BRF2: variants seen among roughly 807,000 people sequenced by gnomAD.
The protein encoded by BRF2 is transcription factor IIIB 50 kDa subunit.
A neutral mutation model predicts 26.6 loss-of-function variants in BRF2; 17 were observed. The ratio of observed to expected loss-of-function variants is 0.64; its 90% CI spans 0.44 to 0.96. The LOEUF is 0.96. Ranked by LOEUF, BRF2 falls within the 40% of genes least tolerant of loss-of-function variation. BRF2 has a pLI of 0.00. For synonymous variants in BRF2, 219 were observed against 226.6 expected, an observed-to-expected ratio of 0.97 and a Z score of 0.30; for missense variants, 515 against 537.0, an observed-to-expected ratio of 0.96 and a Z score of 0.40.
rs545528393 is a variant in BRF2 at position 37,849,860 on chromosome 8, G to A, written c.-77C>T. 1.1e-4 allele frequency: 151 copies of A among 1,412,184 alleles called. No individual in the cohort carries two copies. Among genetic ancestry groups the A allele is most frequent in the Middle Eastern group, 2.5e-4 (1 of 4,052 alleles). The allele number at this position is 1,412,184 out of a possible 1,614,324, so 87.5% of individuals were successfully genotyped here. A position where few individuals can be genotyped will look rare whatever the true frequency, so the allele number is the denominator to read the frequency against. ...AACAGCAACCGTGAGGCAGCAAGAA[G>A]TAGGAGGGGACACTTCAAAGGGTTG... On this transcript the variant is annotated 5_prime_UTR_variant, in exon 1 of 4. Coordinates refer to ENST00000220659, the MANE Select transcript of BRF2 (RefSeq NM_018310.4).
Position 37,849,767 on chromosome 8 carries a change from C to G in BRF2, c.17G>C (p.Arg6Pro). Residue 6 changes from arginine (R) to proline (P), a missense_variant, in exon 1 of 4, where the codon CGC becomes CCC. Coordinates refer to ENST00000220659, the MANE Select transcript of BRF2 (RefSeq NM_018310.4). ...CTCCGTGGAGCCGCAGTCCGGGCAG[C>G]GGCCTCTGCCTGGCATCTCACAACC... MPGRG[R>P]CPDCGSTELV... 1 of 1,610,304 alleles carries G rather than the reference C, an allele frequency of 6.2e-7. No individual in the cohort carries two copies. The highest frequency in any genetic ancestry group is 8.5e-7 in the Non-Finnish European group (1 of 1,179,156).
chr8:37,845,728 T>C (rs749512141), intron 3 of BRF2: 6 of 698,910 alleles, frequency 8.6e-6, no homozygotes, highest in African/African-American at 5.3e-5. Flanking sequence ...CTTGAGCCCA[T>C]GAGTTCCAGG....
chr8:37,844,394 CA>C lies in BRF2; in HGVS notation c.*95del. The C allele has an allele frequency of 6.7e-7, 1 of 1,498,902 alleles. No individual in the cohort carries two copies. The highest frequency in any genetic ancestry group is 2.3e-5 in the East Asian group (1 of 44,036). The allele number at this position is 1,498,902 out of a possible 1,614,324, so 92.9% of individuals were successfully genotyped here. On this transcript the variant is annotated 3_prime_UTR_variant, in exon 4 of 4. Transcript: ENST00000220659. ...TCTTGGTTCCTTCAAACAAGAAAAG[CA>C]ATACCTACGGACTGGTGTACACTTC...
In BRF2 at chr8:37,845,167, C is replaced by T. The variant is rs780361630; in HGVS notation, c.583G>A (p.Glu195Lys). 3 of 1,612,814 alleles carry T rather than the reference C, an allele frequency of 1.9e-6. No homozygotes were observed. In the African/African-American group the frequency reaches 4.0e-5, roughly 22 times the overall value. Residue 195 changes from glutamate (E) to lysine (K), a missense_variant, in exon 4 of 4, where the codon GAA (glutamate) becomes AAA (lysine). By Grantham distance (56) the Glu-to-Lys change is moderately conservative. Transcript: ENST00000220659. ...ASPSVPAKYV[E>K]DKEKMLSRTM... ...CGAGACAGCATCTTCTCTTTGTCTT[C>T]CACGTATTTGGCTGGCACAGAAGGT...
In BRF2 at chr8:37,845,865, C is replaced by T. The variant is rs1805946937; in HGVS notation, c.537-652G>A. The T allele has an allele frequency of 5.1e-6, 3 of 588,328 alleles. No individual in the cohort carries two copies. The East Asian group carries it at 8.5e-5, about 17-fold the overall frequency. 36.4% of individuals were successfully genotyped at this position (588,328 alleles called of 1,614,324 possible). ...CATTAACTAATATACTTTCAGCTTC[C>T]TCTGCAGATGATCCTGCTGAGACAG... On this transcript the variant is annotated intron_variant, in intron 3 of 3. Coordinates refer to ENST00000220659, the MANE Select transcript of BRF2 (RefSeq NM_018310.4).
At position 37,847,191 on chromosome 8, in the gene BRF2, G is replaced by A. The variant is rs569592908; in HGVS notation, c.215-16C>T. The A allele has an allele frequency of 1.7e-5, 27 of 1,611,964 alleles. No individual in the cohort carries two copies. The highest frequency in any genetic ancestry group is 1.7e-4 in the Middle Eastern group (1 of 6,054). On this transcript the variant is annotated splice_polypyrimidine_tract_variant and intron_variant, in intron 2 of 3. Transcript: ENST00000220659. The stretch of plus-strand genomic sequence containing the variant: ...CGCCGGAGACCTAGGAAAAACCCAC[G>A]GCAAGAGTTAGAGGGGTCAAAGGAG...
chr8:37,847,459 A>G, intron 2 of BRF2: 1 of 540,366 alleles, frequency 1.9e-6, no homozygotes, highest in South Asian at 1.6e-5. Context: ...GCTACCTCAA[A>G]CATACGTCTG....
chr8:37,844,959 G>C lies in BRF2; in HGVS notation c.791C>G (p.Ser264Cys). 6.2e-7 allele frequency: 1 copy of C among 1,614,124 alleles called. No homozygotes were observed. The highest frequency in any genetic ancestry group is 8.5e-7 in the Non-Finnish European group (1 of 1,180,048). Reference sequence around the variant, plus strand: ...CACAGCCAGCAGCTCCTGCAGGCGGGAGGACGCCGGGTAGGGCAGGTCCAC... The same window carrying C: ...CACAGCCAGCAGCTCCTGCAGGCGGCAGGACGCCGGGTAGGGCAGGTCCAC... Reference protein sequence around the residue: ...ANVDLPYPASSRLQELLAVLL... With the variant: ...ANVDLPYPASCRLQELLAVLL... The change falls in exon 4 of 4, where the codon TCC becomes TGC. Residue 264 changes from serine to cysteine, a missense_variant. Coordinates refer to ENST00000220659, the MANE Select transcript of BRF2 (RefSeq NM_018310.4).
In BRF2 at chr8:37,849,657, T is replaced by C. The variant is rs747426398; in HGVS notation, c.127A>G (p.Thr43Ala). 7 of 1,613,396 alleles carry C rather than the reference T, an allele frequency of 4.3e-6. No individual in the cohort carries two copies. Among genetic ancestry groups the C allele is most frequent in the Non-Finnish European group, 5.9e-6 (7 of 1,179,792 alleles). The change falls in exon 1 of 4, where the codon ACC becomes GCC. Residue 43 changes from threonine to alanine, a missense_variant. Physicochemically the swap from Thr to Ala is moderately conservative, Grantham distance 58. Transcript: ENST00000220659. ...CGGAGATTGCCCTCGTCGCTGAAGG[T>C]AGTGGTAAGGACCCCCTCGGTGACC... is the stretch of plus-strand genomic sequence containing the variant. ...CVVTEGVLTT[T>A]FSDEGNLREV...
intron 2 of BRF2, 97 bp from the exon 3 acceptor site, chr8:37,847,272 G>A: frequency 9.5e-7 from 1 of 1,053,616 alleles, no homozygotes; most frequent in Non-Finnish European, 1.5e-6. Context: ...TGCTAAACTT[G>A]CCTCAGATAT....
At chr8:37,845,980 C>T (rs1423191199) in intron 3 of BRF2, among the ~76,000 whole-genome samples, 1 of 152,222 alleles carries the variant, frequency 6.6e-6, no homozygotes, top group African/African-American at 2.4e-5. Context: ...TGCAACTCAG[C>T]AGCCCTGTGC....
In BRF2 at chr8:37,846,920, A is replaced by G; in HGVS notation, c.470T>C (p.Val157Ala). 1 of 1,614,152 alleles carries G rather than the reference A, an allele frequency of 6.2e-7. No homozygotes were observed. The highest frequency in any genetic ancestry group is 8.5e-7 in the Non-Finnish European group (1 of 1,179,994). ...TGGCACATCCAGTCCCAGGAGCTTC[A>G]CTATCTGCATGTAAGTGCTAGAAAA... is the stretch of plus-strand genomic sequence containing the variant. Reference protein sequence around the residue: ...DVFSSTYMQIVKLLGLDVPSL... With the variant: ...DVFSSTYMQIAKLLGLDVPSL... Residue 157 changes from valine (V) to alanine (A), a missense_variant, in exon 3 of 4, where the codon GTG becomes GCG. By Grantham distance (64) the Val-to-Ala change is moderately conservative. Transcript: ENST00000220659.
chr8:37,845,300 A>C (rs1217533714), intron 3 of BRF2, 87 bp from the exon 4 acceptor site: 1 of 1,053,932 alleles, frequency 9.5e-7, no homozygotes, highest in East Asian at 2.4e-5. Context: ...CAAGATGGGG[A>C]AGCTATTCTG....
chr8:37,845,908 C>T (rs1187038492), intron 3 of BRF2: 3 of 573,946 alleles, frequency 5.2e-6, no homozygotes, highest in African/African-American at 1.9e-5. Flanking sequence ...CATTCAGCCA[C>T]AAAGCCCATG....
At position 37,844,612 on chromosome 8, in the gene BRF2, C is replaced by T. The variant is rs778369844; in HGVS notation, c.1138G>A (p.Gly380Arg). Residue 380 changes from glycine (G) to arginine (R), a missense_variant, in exon 4 of 4, where the codon GGA becomes AGA. Gly to Arg is a moderately radical substitution (Grantham distance 125). Coordinates refer to ENST00000220659, the MANE Select transcript of BRF2 (RefSeq NM_018310.4). ...TCACTATCAGAAATGTTCTCATCTC[C>T]AGTGACAGTGGAGACAGGGGGTACA... ...CPVPPVSTVT[G>R]DENISDSEIE... 1.2e-6 allele frequency: 2 copies of T among 1,614,114 alleles called. No individual in the cohort carries two copies. The highest frequency in any genetic ancestry group is 2.2e-5 in the South Asian group (2 of 91,080).
chr8:37,847,368 A>G (rs1436653799), intron 2 of BRF2, 193 bp from the exon 3 acceptor site: 2 of 690,980 alleles, frequency 2.9e-6, no homozygotes, highest in South Asian at 3.0e-5. Flanking sequence ...ATTTGTGTAA[A>G]GAAGTCACAT....
rs757084997 is a variant in BRF2, at chr8:37,845,100, A to ACCAG, written c.646_649dup (p.Val217AlafsTer37). 8.1e-6 allele frequency: 13 copies of ACCAG among 1,613,462 alleles called. No individual in the cohort carries two copies. Among genetic ancestry groups the ACCAG allele is most frequent in the Non-Finnish European group, 1.1e-5 (13 of 1,180,048 alleles). ...GACGGGCAAGGGATGCCTCCCGGTC[A>ACCAG]CCAGCCACGTCTCATTTGCCAGCTC... is the stretch of plus-strand genomic sequence containing the variant. On this transcript the variant is annotated frameshift_variant, in exon 4 of 4. Coordinates refer to ENST00000220659, the MANE Select transcript of BRF2 (RefSeq NM_018310.4). LOFTEE classifies it low-confidence loss of function (END_TRUNC).
At position 37,844,725 on chromosome 8, in the gene BRF2, G is replaced by C. The variant is rs1375445675; in HGVS notation, c.1025C>G (p.Ser342Cys). Residue 342 changes from serine (S) to cysteine (C), a missense_variant, in exon 4 of 4, where the codon TCC becomes TGC. Physicochemically the swap from Ser to Cys is moderately radical, Grantham distance 112. Transcript: ENST00000220659. ...GQGEGEVGNN[S>C]LGLPQGKRPA... ...CCGCTTCCCCTGGGGTAAACCTAAG[G>C]AATTATTTCCCACCTCCCCTTCTCC... 3 of 1,614,058 alleles carry C rather than the reference G, an allele frequency of 1.9e-6. No homozygotes were observed. The highest frequency in any genetic ancestry group is 2.5e-6 in the Non-Finnish European group (3 of 1,180,038).
chr8:37,844,697 C>T lies in BRF2; in HGVS notation c.1053G>A (p.Pro351=), dbSNP rs372826156. ...GTGGCAAGAGAAGGGCAGGACTGGC[C>T]GGCCGCTTCCCCTGGGGTAAACCTA... ...NSLGLPQGKR[P]ASPALLLPPC... The change falls in exon 4 of 4, where the codon CCG becomes CCA. Residue 351 remains proline (P), a synonymous_variant. Transcript: ENST00000220659. 1.5e-5 allele frequency: 25 copies of T among 1,613,946 alleles called. No homozygotes were observed. The highest frequency in any genetic ancestry group is 1.2e-4 in the Admixed American group (7 of 59,996).
Sources: gnomAD v4.1 joint callset for allele counts (sites outside exome capture counted in the v4.1 genomes callset) on GRCh38, gnomAD v4.1.1 for gene constraint, MANE v1.5 for transcripts, NCBI Gene and HGNC (gene_info 2026-07-23, HGNC 2026-07-21) for gene names.